Variants in TNRC6B observed in about 807,000 individuals in gnomAD.
The protein encoded by TNRC6B is trinucleotide repeat containing adaptor 6B.
Under a neutral mutation model 203.6 loss-of-function variants are expected in TNRC6B, and 52 were observed. The ratio of observed to expected loss-of-function variants is 0.26; its 90% CI spans 0.20 to 0.32. The LOEUF is 0.32. Among genes scored for constraint, TNRC6B ranks in the 10% least tolerant of loss-of-function variants. TNRC6B has a pLI of 1.00. For synonymous variants in TNRC6B, 838 were observed against 845.7 expected (o/e 0.99, Z 0.16); for missense variants, 1,923 against 2,286.2 (o/e 0.84, Z 3.24).
chr22:40,081,608 G>T (rs2068064666), intron 1 of TNRC6B, among the ~76,000 whole-genome samples: 1 of 152,120 alleles, frequency 6.6e-6, no homozygotes, highest in South Asian at 2.1e-4. Context: ...TTTGTCACCT[G>T]CAACCAATTA....
intron 3 of TNRC6B, among the ~76,000 whole-genome samples, chr22:40,153,646 C>T (rs1212477195): frequency 6.6e-6 from 1 of 151,438 alleles, no homozygotes; most frequent in Non-Finnish European, 1.5e-5. Flanking sequence ...TATAGCATTC[C>T]ATATGATTCA....
At chr22:40,162,257 C>A (rs2146358845) in intron 4 of TNRC6B, among the ~76,000 whole-genome samples, 1 of 152,228 alleles carries the variant, frequency 6.6e-6, no homozygotes, top group East Asian at 1.9e-4. Flanking sequence ...CCACGCCTGG[C>A]TAATTTTTTC....
chr22:40,272,551 A>C (rs954121298), intron 6 of TNRC6B, among the ~76,000 whole-genome samples: 1 of 152,156 alleles, frequency 6.6e-6, no homozygotes, highest in Non-Finnish European at 1.5e-5. Flanking sequence ...CAGGCAAGAG[A>C]ATGTGTTTCC....
At chr22:40,316,985 A>G (rs954541817) in intron 21 of TNRC6B, among the ~76,000 whole-genome samples, 1 of 152,196 alleles carries the variant, frequency 6.6e-6, no homozygotes, top group Non-Finnish European at 1.5e-5. Context: ...ACGATTTGCT[A>G]TACAAATGTG....
chr22:40,178,063 T>G lies in TNRC6B; in HGVS notation c.-73T>G, dbSNP rs1328020137. On this transcript the variant is annotated 5_prime_UTR_variant, in exon 1 of 23. Transcript: ENST00000454349. ...AACAGATAGACAAAAAGAATTCATTTTTTGGACCTTTTTTCATTTCCATTT... is the reference window on the plus strand; with the variant it reads ...AACAGATAGACAAAAAGAATTCATTGTTTGGACCTTTTTTCATTTCCATTT... 2 of 1,594,104 alleles carry G rather than the reference T, an allele frequency of 1.3e-6. No homozygotes were observed. Among genetic ancestry groups the G allele is most frequent in the Non-Finnish European group, 1.7e-6 (2 of 1,173,918 alleles).
chr22:40,119,829 C>G (rs1431113436), intron 2 of TNRC6B, among the ~76,000 whole-genome samples: 1 of 152,180 alleles, frequency 6.6e-6, no homozygotes, highest in Non-Finnish European at 1.5e-5. Flanking sequence ...ACCTTACTTA[C>G]CTTCTGTTTT....
chr22:40,176,378 C>T (rs574592022), upstream of TNRC6B, among the ~76,000 whole-genome samples: 25 of 152,200 alleles, frequency 1.6e-4, no homozygotes, highest in African/African-American at 6.0e-4. Flanking sequence ...CTGCCTGCCT[C>T]GGCCTCCCAA....
intron 1 of TNRC6B, among the ~76,000 whole-genome samples, chr22:40,232,972 A>G (rs1197341569): frequency 1.3e-5 from 2 of 151,896 alleles, no homozygotes; most frequent in Non-Finnish European, 2.9e-5. Flanking sequence ...CAATGGTGAA[A>G]CCCTGTCTCT....
rs1468780627 is a variant in TNRC6B, at chr22:40,333,702, C to G, written c.*10461C>G. 1.3e-5 allele frequency: 2 copies of G among 152,640 alleles called. No homozygotes were observed. The highest frequency in any genetic ancestry group is 2.9e-5 in the Non-Finnish European group (2 of 68,050). 9.5% of individuals were successfully genotyped at this position (152,640 alleles called of 1,614,324 possible). On this transcript the variant is annotated 3_prime_UTR_variant, in exon 23 of 23. Coordinates refer to ENST00000454349, the MANE Select transcript of TNRC6B (RefSeq NM_001162501.2). ...AAACTTGTGTAAGGAGATGTGCAAACCACCCTGAAAGCCATGTGCATCCTC... is the reference window on the plus strand; with the variant it reads ...AAACTTGTGTAAGGAGATGTGCAAAGCACCCTGAAAGCCATGTGCATCCTC...
intron 3 of TNRC6B, among the ~76,000 whole-genome samples, chr22:40,150,844 C>T (rs997130786): frequency 1.3e-5 from 2 of 152,134 alleles, no homozygotes; most frequent in African/African-American, 4.8e-5. Context: ...GGATGTATAG[C>T]TGTAGGCATC....
intron 17 of TNRC6B, 121 bp from the exon 18 acceptor site, chr22:40,312,384 C>CT: frequency 2.9e-6 from 3 of 1,044,650 alleles, no homozygotes; most frequent in Non-Finnish European, 4.0e-6. Context: ...TGATGAAAAT[C>CT]TAAGAGACAA....
intron 1 of TNRC6B, among the ~76,000 whole-genome samples, chr22:40,062,706 C>A (rs1367112123): frequency 6.6e-6 from 1 of 152,096 alleles, no homozygotes; most frequent in Non-Finnish European, 1.5e-5. Flanking sequence ...TTTGCCTGAA[C>A]GCTAATGATT....
rs551690255 is a variant in TNRC6B, at chr22:40,312,036, G to A, written c.4436-469G>A. ...TTGCTAAGCTAAATTATCCCTGCTG[G>A]TTATCCCTGGACATTCTGTGTAGCA... is the stretch of plus-strand genomic sequence containing the variant. On this transcript the variant is annotated intron_variant, in intron 17 of 22. Coordinates refer to ENST00000454349, the MANE Select transcript of TNRC6B (RefSeq NM_001162501.2). 5.3e-5 allele frequency among the ~76,000 whole-genome samples: 8 copies of A among 152,312 alleles called. No homozygotes were observed. In the South Asian group the frequency reaches 1.4e-3, roughly 28 times the overall value.
chr22:40,090,101 C>T (rs1252641150), intron 1 of TNRC6B, among the ~76,000 whole-genome samples: 1 of 152,172 alleles, frequency 6.6e-6, no homozygotes, highest in Admixed American at 6.5e-5. Context: ...ATCTTAGTTG[C>T]TTCCAAGTTT....
chr22:40,278,107 C>G, intron 9 of TNRC6B, 63 bp downstream of exon 9: 6 of 1,327,150 alleles, frequency 4.5e-6, no homozygotes, highest in Non-Finnish European at 6.4e-6. Context: ...TTTGGCATCT[C>G]CTGCCCAATT....
intron 3 of TNRC6B, among the ~76,000 whole-genome samples, chr22:40,131,873 A>G (rs2068548005): frequency 6.6e-6 from 1 of 152,378 alleles, no homozygotes; most frequent in African/African-American, 2.4e-5. Context: ...GTAAAACTTC[A>G]GATGCCTCTG....
chr22:40,195,892 C>T (rs1052860596), intron 1 of TNRC6B, among the ~76,000 whole-genome samples: 1 of 152,184 alleles, frequency 6.6e-6, no homozygotes, highest in African/African-American at 2.4e-5. Flanking sequence ...GCCTCAGCCT[C>T]CCCAGCAGCT....
intron 3 of TNRC6B, among the ~76,000 whole-genome samples, chr22:40,141,144 G>A (rs541931223): frequency 3.5e-5 from 5 of 144,140 alleles, no homozygotes; most frequent in East Asian, 2.0e-4. Context: ...TTTAATTAAC[G>A]AATTTATTGA....
At chr22:40,126,564 C>T in intron 3 of TNRC6B, among the ~76,000 whole-genome samples, 1 of 140,658 alleles carries the variant, frequency 7.1e-6, no homozygotes, top group African/African-American at 2.7e-5. Context: ...CCTGTTGCTA[C>T]AAAGGACGTT....
Sources: gnomAD v4.1 joint callset for allele counts (sites outside exome capture counted in the v4.1 genomes callset) on GRCh38, gnomAD v4.1.1 for gene constraint, MANE v1.5 for transcripts, NCBI Gene and HGNC (gene_info 2026-07-23, HGNC 2026-07-21) for gene names.